The following DCLK2 variants were observed in gnomAD, a reference collection of about 807,000 sequenced individuals.
DCLK2 encodes serine/threonine-protein kinase DCLK2.
In DCLK2, 31 loss-of-function variants were observed where a neutral mutation model predicts 78.4. The ratio of observed to expected loss-of-function variants is 0.40; its 90% CI spans 0.30 to 0.53. DCLK2 has a LOEUF of 0.53. Ranked by LOEUF, DCLK2 falls within the 20% of genes least tolerant of loss-of-function variation. The pLI, the probability that DCLK2 is intolerant of heterozygous loss-of-function variation, is 0.61. For synonymous variants in DCLK2, 407 were observed against 374.9 expected, an observed-to-expected ratio of 1.09 and a Z score of -0.99; for missense variants, 872 against 973.7, an observed-to-expected ratio of 0.90 and a Z score of 1.39.
chr4:150,190,249 A>G (rs753076407), intron 2 of DCLK2, among the ~76,000 whole-genome samples: 6 of 84,910 alleles, frequency 7.1e-5, no homozygotes, highest in African/African-American at 3.2e-4. Flanking sequence ...ATAGATAGAT[A>G]GATAGATAGA....
chr4:150,211,609 A>G (rs1217328196), intron 5 of DCLK2, among the ~76,000 whole-genome samples: 1 of 151,606 alleles, frequency 6.6e-6, no homozygotes, highest in Non-Finnish European at 1.5e-5. Context: ...CTTCCTGTCC[A>G]TCCTCTTTTT....
Position 150,176,339 on chromosome 4 carries a change from G to A in DCLK2, c.757-16799G>A, listed in dbSNP as rs370880241. 3.9e-5 allele frequency among the ~76,000 whole-genome samples: 6 copies of A among 152,288 alleles called. No homozygotes were observed. The East Asian group carries it at 1.2e-3, about 29-fold the overall frequency. On this transcript the variant is annotated intron_variant, in intron 2 of 15. Coordinates refer to ENST00000296550, the MANE Select transcript of DCLK2 (RefSeq NM_001040260.4). ...GCAGGCACAGTGCTGAGTGCTCTGGGTGTAAGAGCGAGAAAGATACGGTCT... is the reference window on the plus strand; with the variant it reads ...GCAGGCACAGTGCTGAGTGCTCTGGATGTAAGAGCGAGAAAGATACGGTCT...
intron 3 of DCLK2, 81 bp from the exon 4 acceptor site, chr4:150,197,921 G>T: frequency 9.3e-7 from 1 of 1,076,422 alleles, no homozygotes; most frequent in South Asian, 1.6e-5. Context: ...AATAGTTCTG[G>T]TCAGTAAACA....
chr4:150,202,689 A>G (rs1221965161), intron 4 of DCLK2, among the ~76,000 whole-genome samples: 2 of 152,192 alleles, frequency 1.3e-5, no homozygotes, highest in Non-Finnish European at 2.9e-5. Flanking sequence ...AAAAAAGAAT[A>G]AAAAGCAAAT....
intron 2 of DCLK2, among the ~76,000 whole-genome samples, chr4:150,154,800 T>C (rs1392018905): frequency 1.3e-5 from 2 of 152,248 alleles, no homozygotes; most frequent in African/African-American, 4.8e-5. Context: ...TTATATGCAA[T>C]AAAATGTACC....
chr4:150,161,046 A>G (rs2150244232), intron 2 of DCLK2, among the ~76,000 whole-genome samples: 1 of 152,372 alleles, frequency 6.6e-6, no homozygotes, highest in South Asian at 2.1e-4. Flanking sequence ...TCAAAAAGAA[A>G]TGACAAAAAG....
chr4:150,176,546 A>G (rs1737105407), intron 2 of DCLK2, among the ~76,000 whole-genome samples: 1 of 152,208 alleles, frequency 6.6e-6, no homozygotes, highest in South Asian at 2.1e-4. Flanking sequence ...ATAATGTACC[A>G]AAACATCTTC....
At chr4:150,105,041 T>A (rs1731159361) in intron 2 of DCLK2, among the ~76,000 whole-genome samples, 1 of 152,104 alleles carries the variant, frequency 6.6e-6, no homozygotes, top group African/African-American at 2.4e-5. Context: ...ATTTTGGAAA[T>A]AATAATTAAT....
intron 2 of DCLK2, among the ~76,000 whole-genome samples, chr4:150,117,921 T>C (rs1580534777): frequency 6.6e-6 from 1 of 152,284 alleles, no homozygotes; most frequent in East Asian, 1.9e-4. Context: ...CAATCCACCA[T>C]CTTGGAAAAA....
At chr4:150,190,053 G>GAAAAAAAAA (rs1378760105) in intron 2 of DCLK2, among the ~76,000 whole-genome samples, 4 of 12,958 alleles carry the variant, frequency 3.1e-4, no homozygotes, top group Admixed American at 6.4e-4. Context: ...AAAAAAAAAG[G>GAAAAAAAAA]CCAAGTGTGG....
chr4:150,231,967 C>A (rs188598275), intron 8 of DCLK2, among the ~76,000 whole-genome samples: 65 of 152,196 alleles, frequency 4.3e-4, no homozygotes, highest in Non-Finnish European at 8.4e-4. Flanking sequence ...ATACCGAAAT[C>A]AAAAAGTGGC....
chr4:150,253,707 AAGC>A (rs1210866010), intron 15 of DCLK2: 1 of 985,306 alleles, frequency 1.0e-6, no homozygotes, highest in African/African-American at 1.7e-5. Flanking sequence ...CCAGCCAGCC[AAGC>A]AGGCCCCTGG....
chr4:150,159,706 G>A (rs1404853204), intron 2 of DCLK2, among the ~76,000 whole-genome samples: 1 of 152,190 alleles, frequency 6.6e-6, no homozygotes, highest in African/African-American at 2.4e-5. Context: ...AATTGAATTG[G>A]TCATGACAGT....
chr4:150,214,114 A>G (rs537962715), intron 5 of DCLK2, among the ~76,000 whole-genome samples: 5 of 152,242 alleles, frequency 3.3e-5, no homozygotes, highest in Non-Finnish European at 7.3e-5. Flanking sequence ...TTACAAAGAC[A>G]AGATTGTTTG....
chr4:150,216,295 G>A (rs1026772696), intron 5 of DCLK2, among the ~76,000 whole-genome samples: 31 of 152,236 alleles, frequency 2.0e-4, no homozygotes, highest in African/African-American at 7.5e-4. Context: ...GATGCTAGCA[G>A]TTGAGAGCAT....
chr4:150,185,456 G>A (rs1737858563), intron 2 of DCLK2, among the ~76,000 whole-genome samples: 2 of 151,528 alleles, frequency 1.3e-5, no homozygotes, highest in Admixed American at 1.3e-4. Context: ...CTGGCATGGT[G>A]GCTCATGCCT....
intron 2 of DCLK2, among the ~76,000 whole-genome samples, chr4:150,139,924 A>G (rs565403811): frequency 4.6e-5 from 7 of 152,338 alleles, no homozygotes; most frequent in South Asian, 2.1e-4. Flanking sequence ...TCCAAATGAC[A>G]TGGTTGGTTT....
chr4:150,196,815 C>T (rs1459228938), intron 3 of DCLK2, among the ~76,000 whole-genome samples: 1 of 152,168 alleles, frequency 6.6e-6, no homozygotes, highest in Admixed American at 6.5e-5. Context: ...ACTTCTGGTA[C>T]TCTAAATATT....
At chr4:150,112,189 G>A (rs1347694903) in intron 2 of DCLK2, among the ~76,000 whole-genome samples, 5 of 151,998 alleles carry the variant, frequency 3.3e-5, no homozygotes, top group Non-Finnish European at 7.4e-5. Context: ...CCTTTGTTAA[G>A]CATATTCCTA....
Sources: gnomAD v4.1 joint callset for allele counts (sites outside exome capture counted in the v4.1 genomes callset) on GRCh38, gnomAD v4.1.1 for gene constraint, MANE v1.5 for transcripts, NCBI Gene and HGNC (gene_info 2026-07-23, HGNC 2026-07-21) for gene names.